Variants in CSE1L observed in about 807,000 individuals in gnomAD.
The protein encoded by CSE1L is exportin-2.
In CSE1L, 24 loss-of-function variants were observed where a neutral mutation model predicts 120.4. The observed-to-expected ratio is 0.20, with a 90% CI of 0.14 to 0.28. The LOEUF (loss-of-function observed/expected upper bound fraction) is 0.28, where lower values mean the gene tolerates loss of function less well. CSE1L is among the 10% of genes least tolerant of loss of function. The pLI, the probability that CSE1L is intolerant of heterozygous loss-of-function variation, is 1.00. For synonymous variants in CSE1L, 402 were observed against 398.3 expected, an observed-to-expected ratio of 1.01 and a Z score of -0.11; for missense variants, 830 against 1,145.2, an observed-to-expected ratio of 0.72 and a Z score of 3.97.
intron 16 of CSE1L, 96 bp downstream of exon 16, chr20:49,085,482 A>G: frequency 1.3e-6 from 1 of 740,808 alleles, no homozygotes; most frequent in South Asian, 1.9e-5. Flanking sequence ...CAGTCTATGA[A>G]CCAGATAATG....
At chr20:49,085,954 C>T (rs1473083518) in intron 16 of CSE1L, among the ~76,000 whole-genome samples, 2 of 152,050 alleles carry the variant, frequency 1.3e-5, no homozygotes, top group Non-Finnish European at 2.9e-5. Context: ...TTCTTTAAGG[C>T]AAAGAAGAGA....
chr20:49,072,146 G>A (rs1344798704), intron 8 of CSE1L, 140 bp from the exon 9 acceptor site: 2 of 807,676 alleles, frequency 2.5e-6, no homozygotes, highest in Admixed American at 2.8e-5. Context: ...AAGATTGGTG[G>A]TGGCATAGCT....
At chr20:49,052,613 T>TTGGTGG (rs1225899101) in intron 1 of CSE1L, among the ~76,000 whole-genome samples, 8 of 151,796 alleles carry the variant, frequency 5.3e-5, no homozygotes, top group South Asian at 2.1e-4. Context: ...GGTAAGGGAT[T>TTGGTGG]TGGTGGTGGT....
chr20:49,074,365 C>T (rs1044292153), intron 10 of CSE1L, among the ~76,000 whole-genome samples: 4 of 151,820 alleles, frequency 2.6e-5, no homozygotes, highest in South Asian at 2.1e-4. Flanking sequence ...GCCACCATGC[C>T]GGCCATTTCT....
chr20:49,046,812 C>T (rs1170972498), intron 1 of CSE1L, among the ~76,000 whole-genome samples: 2 of 152,242 alleles, frequency 1.3e-5, no homozygotes, highest in African/African-American at 4.8e-5. Flanking sequence ...CATGTCCATT[C>T]TCTGCGACGG....
intron 1 of CSE1L, among the ~76,000 whole-genome samples, chr20:49,058,247 A>C (rs1396794386): frequency 2.6e-5 from 4 of 151,530 alleles, no homozygotes; most frequent in African/African-American, 9.7e-5. Flanking sequence ...CTCCCTTATC[A>C]CAAAATTGTC....
chr20:49,068,478 A>C (rs2091909876), intron 6 of CSE1L, among the ~76,000 whole-genome samples: 2 of 152,184 alleles, frequency 1.3e-5, no homozygotes, highest in African/African-American at 4.8e-5. Context: ...AGGCACCTAT[A>C]GTCCCAGCTA....
chr20:49,085,450 C>T (rs771104078), intron 16 of CSE1L, 64 bp downstream of exon 16: 10 of 1,093,518 alleles, frequency 9.1e-6, no homozygotes, highest in Non-Finnish European at 1.4e-5. Context: ...GGTGAGCACT[C>T]TGAGTTATAC....
intron 1 of CSE1L, among the ~76,000 whole-genome samples, chr20:49,054,450 T>G (rs1231255760): frequency 6.6e-6 from 1 of 152,198 alleles, no homozygotes; most frequent in Non-Finnish European, 1.5e-5. Flanking sequence ...GTCAGCCGTC[T>G]GTCATTTCCA....
At chr20:49,059,552 G>A (rs2091835544) in intron 2 of CSE1L, among the ~76,000 whole-genome samples, 2 of 152,110 alleles carry the variant, frequency 1.3e-5, no homozygotes, top group Non-Finnish European at 1.5e-5. Flanking sequence ...TTTATATGAA[G>A]TGCCCTCATT....
intron 1 of CSE1L, among the ~76,000 whole-genome samples, chr20:49,056,413 T>A (rs528367361): frequency 6.6e-6 from 1 of 152,310 alleles, no homozygotes; most frequent in Non-Finnish European, 1.5e-5. Flanking sequence ...CTAAAATAGC[T>A]TTATTGAAGT....
chr20:49,084,203 G>T lies in CSE1L; in HGVS notation c.1619+41G>T, dbSNP rs1046217519. On this transcript the variant is annotated intron_variant, in intron 15 of 24. Transcript: ENST00000262982. ...TAAAGTTTTTTAGCCTGGGGTAGGG[G>T]CTGTACTGTGCTGGTCAAAGATATC... 5 of 1,571,028 alleles carry T rather than the reference G, an allele frequency of 3.2e-6. No homozygotes were observed. In the East Asian group the frequency reaches 9.0e-5, roughly 28 times the overall value.
intron 1 of CSE1L, among the ~76,000 whole-genome samples, chr20:49,047,629 T>C (rs1246701241): frequency 3.0e-5 from 4 of 131,716 alleles, no homozygotes; most frequent in Non-Finnish European, 6.2e-5. Context: ...CAGGCTGGAG[T>C]GCAGTGGCGC....
chr20:49,090,622 A>C (rs888193897), intron 19 of CSE1L, 120 bp from the exon 20 acceptor site: 1 of 754,044 alleles, frequency 1.3e-6, no homozygotes. Context: ...TTCAGAAATA[A>C]TTAAAGAGAA....
At chr20:49,059,317 C>T (rs1162229617) in intron 2 of CSE1L, among the ~76,000 whole-genome samples, 1 of 151,336 alleles carries the variant, frequency 6.6e-6, no homozygotes, top group Non-Finnish European at 1.5e-5. Flanking sequence ...CTTCCTGAAT[C>T]TGACCAGATT....
chr20:49,070,489 T>C (rs2091924135), intron 8 of CSE1L, among the ~76,000 whole-genome samples, 192 bp downstream of exon 8: 1 of 152,236 alleles, frequency 6.6e-6, no homozygotes, highest in Admixed American at 6.5e-5. Flanking sequence ...GGGCTTGGCT[T>C]AAGCCATAGT....
At chr20:49,094,378 G>C in intron 23 of CSE1L, 92 bp downstream of exon 23, 1 of 1,256,922 alleles carries the variant, frequency 8.0e-7, no homozygotes, top group South Asian at 1.3e-5. Flanking sequence ...GGGGCCAAGA[G>C]AATCTTGGTC....
chr20:49,063,134 A>G, intron 2 of CSE1L, 68 bp from the exon 3 acceptor site: 2 of 804,708 alleles, frequency 2.5e-6, no homozygotes, highest in Non-Finnish European at 3.5e-6. Flanking sequence ...TTTTATATAT[A>G]TATATTTGAT....
intron 12 of CSE1L, among the ~76,000 whole-genome samples, chr20:49,076,731 A>T (rs1477009997): frequency 6.6e-6 from 1 of 151,210 alleles, no homozygotes; most frequent in Non-Finnish European, 1.5e-5. Flanking sequence ...GGGTTTTGCC[A>T]TGTTGGCCAG....
Sources: gnomAD v4.1 joint callset for allele counts (sites outside exome capture counted in the v4.1 genomes callset) on GRCh38, gnomAD v4.1.1 for gene constraint, MANE v1.5 for transcripts, NCBI Gene and HGNC (gene_info 2026-07-23, HGNC 2026-07-21) for gene names.